Variants in NUP58 observed in about 807,000 individuals in gnomAD.
NUP58 encodes the protein nucleoporin p58/p45.
Under a neutral mutation model 70.1 loss-of-function variants are expected in NUP58, and 17 were observed. The ratio of observed to expected loss-of-function variants is 0.24; its 90% CI spans 0.17 to 0.36. NUP58 has a LOEUF of 0.36. Among genes scored for constraint, NUP58 ranks in the 10% least tolerant of loss-of-function variants. NUP58 has a pLI of 1.00. For missense variants in NUP58, 644 were observed against 701.5 expected (o/e 0.92, Z 0.93); for synonymous variants, 275 against 257.6 (o/e 1.07, Z -0.65).
chr13:25,344,419 G>C (rs1012423738), downstream of NUP58, among the ~76,000 whole-genome samples: 4 of 152,296 alleles, frequency 2.6e-5, no homozygotes, highest in African/African-American at 9.6e-5. Context: ...CCTGACACCT[G>C]AGAAGCATTA....
intron 13 of NUP58, chr13:25,334,924 C>T (rs2031729028): frequency 1.0e-6 from 1 of 984,854 alleles, no homozygotes; most frequent in Non-Finnish European, 1.2e-6. Flanking sequence ...ATAAGAACCT[C>T]TCATTGGATG....
At chr13:25,326,228 C>T (rs767577196) in intron 10 of NUP58, among the ~76,000 whole-genome samples, 4 of 152,154 alleles carry the variant, frequency 2.6e-5, no homozygotes, top group Non-Finnish European at 5.9e-5. Flanking sequence ...ATCCCTCTGT[C>T]TTGTACTTAA....
rs192873391 is a variant in NUP58, at chr13:25,335,725, T to C, written c.1436-1211T>C. 34 of 983,668 alleles carry C rather than the reference T, an allele frequency of 3.5e-5. No homozygotes were observed. In the East Asian group the frequency reaches 3.7e-3, roughly 108 times the overall value. 60.9% of individuals were successfully genotyped at this position (983,668 alleles called of 1,614,324 possible). A position where few individuals can be genotyped will look rare whatever the true frequency, so the allele number is the denominator to read the frequency against. On this transcript the variant is annotated intron_variant, in intron 13 of 15. Transcript: ENST00000381736. Reference sequence around the variant, plus strand: ...CTCGGTTGTTTTTCTTTAAATGCTTTATAATTTTACACTACCTTTTTAATA... The same window carrying C: ...CTCGGTTGTTTTTCTTTAAATGCTTCATAATTTTACACTACCTTTTTAATA...
Position 25,315,413 on chromosome 13 carries a change from G to A in NUP58, c.631G>A (p.Ala211Thr), listed in dbSNP as rs2030881372. 6.2e-7 allele frequency: 1 copy of A among 1,613,802 alleles called. No individual in the cohort carries two copies. The highest frequency in any genetic ancestry group is 8.5e-7 in the Non-Finnish European group (1 of 1,179,858). The change falls in exon 6 of 16, where the codon GCA (alanine) becomes ACA (threonine). Residue 211 changes from alanine to threonine, a missense_variant. Ala to Thr is a moderately conservative substitution (Grantham distance 58, BLOSUM62 0). Transcript: ENST00000381736. ...GGGAACTACAGCAGCTACTTCAACT[G>A]CAGGCAATGAAGGCCTTGGTGGTAT... ...TLGTTAATST[A>T]GNEGLGGIDF...
intron 4 of NUP58, 109 bp downstream of exon 4, chr13:25,313,141 A>G (rs2030758979): frequency 1.5e-6 from 2 of 1,313,582 alleles, no homozygotes; most frequent in Admixed American, 5.0e-5. Context: ...TATAAAGAAG[A>G]AAATTCAGCT....
At chr13:25,309,333 A>G in intron 3 of NUP58, 51 bp downstream of exon 3, 1 of 1,368,572 alleles carries the variant, frequency 7.3e-7, no homozygotes, top group Non-Finnish European at 1.0e-6. Flanking sequence ...TAATAATTTT[A>G]ATAAATTGAG....
chr13:25,330,483 C>A (rs1312675502), intron 12 of NUP58, among the ~76,000 whole-genome samples: 1 of 152,042 alleles, frequency 6.6e-6, no homozygotes, highest in Non-Finnish European at 1.5e-5. Flanking sequence ...ATAATCAGAA[C>A]CTAATGTTTA....
intron 15 of NUP58, 180 bp downstream of exon 15, chr13:25,338,911 G>A: frequency 2.3e-6 from 1 of 435,038 alleles, no homozygotes; most frequent in South Asian, 5.0e-5. Context: ...TAAACTAAAG[G>A]GCAGGTTTGT....
chr13:25,328,927 T>A (rs1321108262), intron 12 of NUP58, among the ~76,000 whole-genome samples: 2 of 152,178 alleles, frequency 1.3e-5, no homozygotes, highest in East Asian at 3.8e-4. Context: ...TTTTCATTTT[T>A]ATTTTGATTT....
chr13:25,332,947 C>A, intron 13 of NUP58: 1 of 985,198 alleles, frequency 1.0e-6, no homozygotes, highest in Non-Finnish European at 1.2e-6. Flanking sequence ...CTTTTTAGAG[C>A]CAGTATTAAT....
intron 13 of NUP58, chr13:25,336,281 G>T: frequency 7.4e-7 from 1 of 1,347,956 alleles, no homozygotes. Flanking sequence ...GAACAAGTTG[G>T]AATTGTCATG....
intron 8 of NUP58, 121 bp from the exon 9 acceptor site, chr13:25,320,798 A>G: frequency 8.1e-6 from 6 of 744,598 alleles, no homozygotes. Flanking sequence ...AAAAGTGTGA[A>G]CTATAGATGA....
At chr13:25,313,358 T>C (rs567758746) in intron 4 of NUP58, among the ~76,000 whole-genome samples, 2 of 152,348 alleles carry the variant, frequency 1.3e-5, no homozygotes, top group East Asian at 3.9e-4. Flanking sequence ...TGGCCTGGGT[T>C]GAAGACAATA....
At chr13:25,311,668 C>T (rs2030673830) in intron 3 of NUP58, among the ~76,000 whole-genome samples, 1 of 140,778 alleles carries the variant, frequency 7.1e-6, no homozygotes, top group Admixed American at 7.5e-5. Flanking sequence ...AGCCACGGCA[C>T]CTGTCTTTTT....
intron 9 of NUP58, among the ~76,000 whole-genome samples, chr13:25,322,602 T>C (rs2031232691): frequency 6.6e-6 from 1 of 152,220 alleles, no homozygotes; most frequent in South Asian, 2.1e-4. Context: ...TGTATACAGT[T>C]ACTTTCAGGC....
At chr13:25,331,259 T>C (rs1487834546) in intron 12 of NUP58, 98 bp from the exon 13 acceptor site, 1 of 1,132,184 alleles carries the variant, frequency 8.8e-7, no homozygotes, top group Admixed American at 2.0e-5. Flanking sequence ...ATGTATAATA[T>C]TGGGACTGTC....
At chr13:25,321,654 A>G (rs1449899596) in intron 9 of NUP58, among the ~76,000 whole-genome samples, 6 of 152,178 alleles carry the variant, frequency 3.9e-5, no homozygotes, top group Non-Finnish European at 7.4e-5. Flanking sequence ...TAGTGGCCCA[A>G]TCCTATAATC....
chr13:25,345,252 T>C (rs1435150974), downstream of NUP58, among the ~76,000 whole-genome samples: 1 of 152,192 alleles, frequency 6.6e-6, no homozygotes, highest in Non-Finnish European at 1.5e-5. Context: ...AACCCAGACC[T>C]GTTTAATTCC....
At chr13:25,310,635 T>G (rs2030619627) in intron 3 of NUP58, among the ~76,000 whole-genome samples, 1 of 149,378 alleles carries the variant, frequency 6.7e-6, no homozygotes, top group Admixed American at 6.8e-5. Flanking sequence ...AGTGCTGGGA[T>G]TACAGGCTTG....
Sources: allele counts gnomAD v4.1 joint callset (sites outside exome capture counted in the v4.1 genomes callset), GRCh38; gene constraint gnomAD v4.1.1; transcripts MANE v1.5; gene names NCBI Gene and HGNC (gene_info 2026-07-23, HGNC 2026-07-21).